The following CASD1 variants were observed in gnomAD, a reference collection of about 807,000 sequenced individuals.
CASD1 encodes the protein CAS1 domain sialic acid O acetyltransferase 1, also known as N-acetylneuraminate (7)9-O-acetyltransferase.
In CASD1, 41 loss-of-function variants were observed where a neutral mutation model predicts 100.0. That is an observed-to-expected ratio of 0.41 (90% confidence interval 0.32 to 0.53). The LOEUF (loss-of-function observed/expected upper bound fraction) is 0.53, where lower values mean the gene tolerates loss of function less well. Among genes scored for constraint, CASD1 ranks in the 20% least tolerant of loss-of-function variants. CASD1 has a pLI of 0.25. For synonymous variants in CASD1, 321 were observed against 315.6 expected (o/e 1.02, Z -0.18); for missense variants, 774 against 948.7 (o/e 0.82, Z 2.42).
intron 12 of CASD1, 60 bp downstream of exon 12, chr7:94,545,761 T>A (rs3793325): frequency 1.8e-6 from 2 of 1,131,650 alleles, no homozygotes; most frequent in Non-Finnish European, 2.5e-6. Flanking sequence ...GAAATTTCTT[T>A]GTAGTTGCTA....
chr7:94,632,975 T>G, the CASD1 span, among the ~76,000 whole-genome samples: 1 of 152,060 alleles, frequency 6.6e-6, no homozygotes, highest in African/African-American at 2.4e-5. Context: ...GCTTAAAGCA[T>G]GTTGTTTTCC....
chr7:94,538,124 T>C (rs910762357), intron 9 of CASD1, among the ~76,000 whole-genome samples: 4 of 152,112 alleles, frequency 2.6e-5, no homozygotes, highest in African/African-American at 9.7e-5. Flanking sequence ...TTGGGAAATA[T>C]GACCTGTGAA....
rs1796216582 is a variant in CASD1, at chr7:94,556,659, G to T, written c.*901G>T. On this transcript the variant is annotated 3_prime_UTR_variant, in exon 18 of 18. Transcript: ENST00000297273. ...CACCTCCTATTTTAAATATTTATCA[G>T]TCTAAACTTGTGCAGTGTAGTAAAC... The T allele has an allele frequency of 6.6e-6, 1 of 151,890 alleles. No individual in the cohort carries two copies. Among genetic ancestry groups the T allele is most frequent in the Non-Finnish European group, 1.5e-5 (1 of 67,904 alleles). 9.4% of individuals were successfully genotyped at this position (151,890 alleles called of 1,614,324 possible). A position where few individuals can be genotyped will look rare whatever the true frequency, so the allele number is the denominator to read the frequency against.
chr7:94,537,920 A>T, intron 9 of CASD1, 26 bp downstream of exon 9: 1 of 1,259,784 alleles, frequency 7.9e-7, no homozygotes, highest in Non-Finnish European at 1.1e-6. Context: ...TTTTTAACTC[A>T]TGTTACCCTT....
At chr7:94,594,742 CTCTACA>C in the CASD1 span, among the ~76,000 whole-genome samples, 1 of 152,064 alleles carries the variant, frequency 6.6e-6, no homozygotes, top group East Asian at 1.9e-4. Flanking sequence ...TTTCCTGTAC[CTCTACA>C]ATCATTCCAA....
At chr7:94,536,744 T>A (rs1046508396) in intron 8 of CASD1, among the ~76,000 whole-genome samples, 2 of 152,212 alleles carry the variant, frequency 1.3e-5, no homozygotes, top group Non-Finnish European at 2.9e-5. Flanking sequence ...GTTCCACAGA[T>A]GCCTAAACTA....
chr7:94,520,121 G>A (rs529845443), intron 3 of CASD1, among the ~76,000 whole-genome samples: 5 of 152,194 alleles, frequency 3.3e-5, no homozygotes, highest in South Asian at 2.1e-4. Context: ...GTGTGCCCCC[G>A]TCTTAAAGAG....
At chr7:94,528,449 A>G (rs1164366165) in intron 5 of CASD1, among the ~76,000 whole-genome samples, 199 bp downstream of exon 5, 1 of 152,036 alleles carries the variant, frequency 6.6e-6, no homozygotes, top group African/African-American at 2.4e-5. Flanking sequence ...CTGCTCCATT[A>G]TCACCATTCT....
At chr7:94,533,612 G>C (rs1562940230) in intron 6 of CASD1, 67 bp from the exon 7 acceptor site, 1 of 1,198,110 alleles carries the variant, frequency 8.3e-7, no homozygotes, top group African/African-American at 1.6e-5. Context: ...GTTACAGTAG[G>C]TAAATTATAT....
the CASD1 span, among the ~76,000 whole-genome samples, chr7:94,577,948 A>G: frequency 6.6e-6 from 1 of 152,154 alleles, no homozygotes; most frequent in African/African-American, 2.4e-5. Flanking sequence ...GGAGCTACCA[A>G]ACAGCTGGTT....
At chr7:94,585,808 C>T in the CASD1 span, among the ~76,000 whole-genome samples, 1 of 151,882 alleles carries the variant, frequency 6.6e-6, no homozygotes, top group African/African-American at 2.4e-5. Context: ...AGGTTAACTG[C>T]AGGATGTATA....
chr7:94,547,286 C>A, intron 13 of CASD1, 111 bp downstream of exon 13: 1 of 661,532 alleles, frequency 1.5e-6, no homozygotes, highest in Non-Finnish European at 2.4e-6. Flanking sequence ...TTTTTAATGA[C>A]TGTAATAAAA....
chr7:94,540,709 G>T (rs1270188016), intron 10 of CASD1, among the ~76,000 whole-genome samples: 1 of 152,140 alleles, frequency 6.6e-6, no homozygotes, highest in Non-Finnish European at 1.5e-5. Context: ...GCCCAGCTAA[G>T]AATTTGTAGG....
chr7:94,619,024 C>CA, the CASD1 span: 22 of 1,156,458 alleles, frequency 1.9e-5, 2 homozygotes, highest in African/African-American at 2.9e-4. Flanking sequence ...AACAAAAGAA[C>CA]AATTTGCGAT....
the CASD1 span, chr7:94,628,365 T>C: frequency 6.2e-7 from 1 of 1,602,210 alleles, no homozygotes; most frequent in Non-Finnish European, 8.5e-7. Flanking sequence ...CTCGCCTAGA[T>C]AAGAAACAGA....
At chr7:94,561,409 A>G (rs1796337596), downstream of CASD1, among the ~76,000 whole-genome samples, 1 of 152,212 alleles carries the variant, frequency 6.6e-6, no homozygotes, top group African/African-American at 2.4e-5. Context: ...GAACATCAGG[A>G]AACCACAGTA....
the CASD1 span, among the ~76,000 whole-genome samples, chr7:94,605,156 G>GC: frequency 6.6e-6 from 1 of 151,900 alleles, no homozygotes; most frequent in East Asian, 1.9e-4. Flanking sequence ...GACTGAACAA[G>GC]CATCACACCG....
intron 3 of CASD1, among the ~76,000 whole-genome samples, chr7:94,524,560 CA>C (rs1306774130): frequency 6.6e-6 from 1 of 152,050 alleles, no homozygotes; most frequent in Non-Finnish European, 1.5e-5. Context: ...TAAATTGTTA[CA>C]AATACTCCAG....
rs189026035 is a variant in CASD1 at position 94,531,937 on chromosome 7, A to G, written c.460-1268A>G. 5.3e-5 allele frequency among the ~76,000 whole-genome samples: 8 copies of G among 152,222 alleles called. No homozygotes were observed. In the East Asian group the frequency reaches 1.4e-3, roughly 26 times the overall value. ...TGTATCTTTGTTTTATAAGAGATGT[A>G]TAATATCATCTTGCCTGCCCCACAG... On this transcript the variant is annotated intron_variant, in intron 5 of 17. Coordinates refer to ENST00000297273, the MANE Select transcript of CASD1 (RefSeq NM_022900.5).
Sources: gnomAD v4.1 joint callset for allele counts (sites outside exome capture counted in the v4.1 genomes callset) on GRCh38, gnomAD v4.1.1 for gene constraint, MANE v1.5 for transcripts, NCBI Gene and HGNC (gene_info 2026-07-23, HGNC 2026-07-21) for gene names.